The following MLLT3 variants were observed in gnomAD, a reference collection of about 807,000 sequenced individuals.
MLLT3 encodes protein AF-9.
In MLLT3, 4 loss-of-function variants were observed where a neutral mutation model predicts 53.2. The ratio of observed to expected loss-of-function variants is 0.08; its 90% CI spans 0.04 to 0.17. MLLT3 has a LOEUF of 0.17. MLLT3 is among the 10% of genes least tolerant of loss of function. The pLI, the probability that MLLT3 is intolerant of heterozygous loss-of-function variation, is 1.00. For synonymous variants in MLLT3, 283 were observed against 230.6 expected, an observed-to-expected ratio of 1.23 and a Z score of -2.06; for missense variants, 569 against 684.0, an observed-to-expected ratio of 0.83 and a Z score of 1.87.
chr9:20,600,281 G>C (rs1422552338), intron 2 of MLLT3, among the ~76,000 whole-genome samples: 2 of 152,172 alleles, frequency 1.3e-5, no homozygotes, highest in African/African-American at 4.8e-5. Context: ...TGTGTGTATG[G>C]AAAACATGCC....
rs1292976525 is a variant in MLLT3, at chr9:20,342,299, T to C, written c.*4144A>G. On this transcript the variant is annotated 3_prime_UTR_variant, in exon 11 of 11. Coordinates refer to ENST00000380338, the MANE Select transcript of MLLT3 (RefSeq NM_004529.4). The stretch of plus-strand genomic sequence containing the variant: ...GGATTTTAGAGAAGGGAAATACATC[T>C]TACAGTGTGCCTTGAATTCACACAA... 11 of 224,528 alleles carry C rather than the reference T, an allele frequency of 4.9e-5. No individual in the cohort carries two copies. In the East Asian group the frequency reaches 6.5e-4, roughly 13 times the overall value. The allele number at this position is 224,528 out of a possible 1,614,324, so 13.9% of individuals were successfully genotyped here. A position where few individuals can be genotyped will look rare whatever the true frequency, so the allele number is the denominator to read the frequency against.
At chr9:20,543,411 A>C (rs79148818) in intron 2 of MLLT3, among the ~76,000 whole-genome samples, 3,115 of 152,328 alleles carry the variant, frequency 0.02, 107 homozygotes, top group African/African-American at 0.07. Context: ...GGTATGGCTT[A>C]TGGTGCCCCC....
chr9:20,414,087 G>A lies in MLLT3; in HGVS notation c.759C>T (p.Phe253=). The A allele has an allele frequency of 6.2e-7, 1 of 1,613,710 alleles. No individual in the cohort carries two copies. The highest frequency in any genetic ancestry group is 8.5e-7 in the Non-Finnish European group (1 of 1,179,926). Residue 253 remains phenylalanine, a synonymous_variant, in exon 5 of 11, where the codon TTC becomes TTT. Transcript: ENST00000380338. The part of the protein sequence containing the change: ...KEEKIVPKMA[F]KEPKPMSKEP... The stretch of plus-strand genomic sequence containing the variant: ...CTTTTGACATGGGTTTAGGTTCCTT[G>A]AAGGCCATCTTAGGAACTATTTTCT...
intron 5 of MLLT3, among the ~76,000 whole-genome samples, chr9:20,377,225 C>T (rs1821789432): frequency 6.6e-6 from 1 of 152,142 alleles, no homozygotes; most frequent in Non-Finnish European, 1.5e-5. Flanking sequence ...TGTCAGTTTA[C>T]AATGAGATCT....
At chr9:20,569,410 G>A (rs1819468961) in intron 2 of MLLT3, among the ~76,000 whole-genome samples, 3 of 151,980 alleles carry the variant, frequency 2.0e-5, no homozygotes, top group African/African-American at 7.3e-5. Flanking sequence ...TGAAATCTAG[G>A]CTCATTCCCT....
At chr9:20,417,414 C>T (rs1404529618) in intron 4 of MLLT3, among the ~76,000 whole-genome samples, 2 of 147,148 alleles carry the variant, frequency 1.4e-5, no homozygotes, top group Non-Finnish European at 1.5e-5. Context: ...ATATAATATA[C>T]ATGGGGGTCT....
Position 20,346,394 on chromosome 9 carries a change from C to T in MLLT3, c.*49G>A. The T allele has an allele frequency of 8.3e-7, 1 of 1,208,544 alleles. No homozygotes were observed. Among genetic ancestry groups the T allele is most frequent in the Non-Finnish European group, 1.1e-6 (1 of 924,888 alleles). 74.9% of individuals were successfully genotyped at this position (1,208,544 alleles called of 1,614,324 possible). On this transcript the variant is annotated 3_prime_UTR_variant, in exon 11 of 11. Coordinates refer to ENST00000380338, the MANE Select transcript of MLLT3 (RefSeq NM_004529.4). ...AAATCACAACCAAAAAAAAAAAAAACCAAAAAAAAAAAACACAATAGTTCT... is the reference window on the plus strand; with the variant it reads ...AAATCACAACCAAAAAAAAAAAAAATCAAAAAAAAAAAACACAATAGTTCT...
At chr9:20,427,415 T>G (rs990151424) in intron 4 of MLLT3, among the ~76,000 whole-genome samples, 4 of 151,166 alleles carry the variant, frequency 2.6e-5, no homozygotes. Context: ...ATGAATAAAC[T>G]GCCATAATAC....
At chr9:20,543,361 C>T (rs1818693889) in intron 2 of MLLT3, among the ~76,000 whole-genome samples, 2 of 152,354 alleles carry the variant, frequency 1.3e-5, no homozygotes, top group Admixed American at 1.3e-4. Context: ...AGACATGCAG[C>T]TCTTCCTTTC....
rs1010264882 is a variant in MLLT3 at position 20,342,084 on chromosome 9, T to C, written c.*4359A>G. 4.7e-6 allele frequency: 1 copy of C among 213,454 alleles called. No homozygotes were observed. The highest frequency in any genetic ancestry group is 2.3e-5 in the African/African-American group (1 of 44,174). 13.2% of individuals were successfully genotyped at this position (213,454 alleles called of 1,614,324 possible). The stretch of plus-strand genomic sequence containing the variant: ...TCAGATCTCCCCATCTATTCTTCTT[T>C]AGAAACAGCATCACTTCTTGAGAAA... On this transcript the variant is annotated 3_prime_UTR_variant, in exon 11 of 11. Transcript: ENST00000380338.
chr9:20,444,578 A>C (rs934296406), intron 4 of MLLT3, among the ~76,000 whole-genome samples: 4 of 152,044 alleles, frequency 2.6e-5, no homozygotes, highest in African/African-American at 9.7e-5. Flanking sequence ...CTCTTACTTA[A>C]AGCCTTACAA....
intron 2 of MLLT3, among the ~76,000 whole-genome samples, chr9:20,464,839 C>T (rs1462462567): frequency 6.6e-6 from 1 of 152,104 alleles, no homozygotes; most frequent in African/African-American, 2.4e-5. Flanking sequence ...CCTTCCTAAA[C>T]ATTTCCTACT....
chr9:20,428,032 A>C (rs1459756190), intron 4 of MLLT3, among the ~76,000 whole-genome samples: 2 of 152,082 alleles, frequency 1.3e-5, no homozygotes, highest in African/African-American at 4.8e-5. Flanking sequence ...CTTTGCAATA[A>C]CTGATATAAT....
chr9:20,560,856 A>C (rs1395609164), intron 2 of MLLT3, among the ~76,000 whole-genome samples: 1 of 152,152 alleles, frequency 6.6e-6, no homozygotes, highest in Non-Finnish European at 1.5e-5. Flanking sequence ...ATTGTGTAAC[A>C]ATCAAGTCAG....
intron 2 of MLLT3, among the ~76,000 whole-genome samples, chr9:20,567,159 G>C (rs1819396767): frequency 7.2e-6 from 1 of 139,446 alleles, no homozygotes; most frequent in South Asian, 2.3e-4. Flanking sequence ...AAGCACAAGA[G>C]GAAATGTTAT....
At chr9:20,435,163 A>C (rs1318794668) in intron 4 of MLLT3, among the ~76,000 whole-genome samples, 1 of 152,172 alleles carries the variant, frequency 6.6e-6, no homozygotes, top group Non-Finnish European at 1.5e-5. Context: ...TCCTGAAAGC[A>C]CATGAGGGCG....
Position 20,477,773 on chromosome 9 carries a change from T to C in MLLT3, c.194-20987A>G, listed in dbSNP as rs374881717. On this transcript the variant is annotated intron_variant, in intron 2 of 10. Transcript: ENST00000380338. ...CACAGTATTATCAACCTAATCCCAA[T>C]GGTATGAGTTATTTTTGCAAGCTCA... Among the ~76,000 whole-genome samples, 4 of 152,218 alleles carry C rather than the reference T, an allele frequency of 2.6e-5. No homozygotes were observed. The South Asian group carries it at 6.2e-4, about 24-fold the overall frequency.
intron 2 of MLLT3, among the ~76,000 whole-genome samples, chr9:20,615,484 C>T (rs193093343): frequency 1.3e-5 from 2 of 148,162 alleles, no homozygotes; most frequent in East Asian, 2.1e-4. Flanking sequence ...GTTAGGTAAT[C>T]ATTCACCGGA....
At chr9:20,567,750 A>C (rs1419147166) in intron 2 of MLLT3, among the ~76,000 whole-genome samples, 1 of 152,188 alleles carries the variant, frequency 6.6e-6, no homozygotes, top group Non-Finnish European at 1.5e-5. Flanking sequence ...AAATTGATTT[A>C]TACATTAACC....
Sources: gnomAD v4.1 joint callset for allele counts (sites outside exome capture counted in the v4.1 genomes callset) on GRCh38, gnomAD v4.1.1 for gene constraint, MANE v1.5 for transcripts, NCBI Gene and HGNC (gene_info 2026-07-23, HGNC 2026-07-21) for gene names.